Variants in BMPR1B observed in about 807,000 individuals in gnomAD.
The protein encoded by BMPR1B is bone morphogenetic protein receptor type-1B.
BMPR1B carries 12 observed loss-of-function variants against 59.1 expected under a neutral mutation model. The ratio of observed to expected loss-of-function variants is 0.20; its 90% CI spans 0.13 to 0.33. The LOEUF (loss-of-function observed/expected upper bound fraction) is 0.33. BMPR1B is among the 10% of genes least tolerant of loss of function. BMPR1B has a pLI of 1.00. For synonymous variants in BMPR1B, 237 were observed against 207.3 expected, an observed-to-expected ratio of 1.14 and a Z score of -1.23; for missense variants, 550 against 610.9, an observed-to-expected ratio of 0.90 and a Z score of 1.05.
intron 1 of BMPR1B, among the ~76,000 whole-genome samples, chr4:94,851,897 C>A (rs932798677): frequency 1.3e-5 from 2 of 152,056 alleles, no homozygotes; most frequent in African/African-American, 4.8e-5. Flanking sequence ...GTATGAAGAC[C>A]TTGTTTGTCC....
intron 3 of BMPR1B, among the ~76,000 whole-genome samples, chr4:95,102,076 A>G (rs1433782379): frequency 6.6e-6 from 1 of 152,210 alleles, no homozygotes; most frequent in Non-Finnish European, 1.5e-5. Flanking sequence ...ATCCCATTTT[A>G]CAAATATACC....
chr4:94,911,289 C>G (rs138391535), intron 2 of BMPR1B, among the ~76,000 whole-genome samples: 1 of 152,096 alleles, frequency 6.6e-6, no homozygotes, highest in East Asian at 1.9e-4. Context: ...GTGAAAAGGG[C>G]AAGACATAGC....
intron 10 of BMPR1B, among the ~76,000 whole-genome samples, chr4:95,133,960 G>A (rs1733575822): frequency 6.6e-6 from 1 of 151,874 alleles, no homozygotes. Context: ...CGTGTGCCAT[G>A]TTGGTGTGAT....
intron 2 of BMPR1B, among the ~76,000 whole-genome samples, chr4:94,883,415 A>G (rs1727056171): frequency 6.6e-6 from 1 of 152,120 alleles, no homozygotes; most frequent in Non-Finnish European, 1.5e-5. Flanking sequence ...TACTAATCAG[A>G]TACTACTGTG....
intron 2 of BMPR1B, among the ~76,000 whole-genome samples, chr4:94,958,761 C>G (rs929621120): frequency 2.5e-4 from 38 of 152,040 alleles, no homozygotes; most frequent in Admixed American, 6.6e-5. Flanking sequence ...TGAGGATGCT[C>G]TCATGGTGTC....
intron 1 of BMPR1B, among the ~76,000 whole-genome samples, chr4:94,779,961 C>A (rs958410594): frequency 6.6e-6 from 1 of 152,102 alleles, no homozygotes; most frequent in Non-Finnish European, 1.5e-5. Flanking sequence ...AAAGTTCCCC[C>A]CCTTCCCTTA....
At position 94,980,991 on chromosome 4, in the gene BMPR1B, TCACACA is replaced by T. The variant is rs71583675; in HGVS notation, c.-112-15022_-112-15017del. 2.3e-4 allele frequency among the ~76,000 whole-genome samples: 5 copies of T among 21,754 alleles called. No individual in the cohort carries two copies. In the East Asian group the frequency reaches 2.8e-3, roughly 12 times the overall value. 14.3% of individuals were successfully genotyped at this position (21,754 alleles called of 152,430 possible). A position where few individuals can be genotyped will look rare whatever the true frequency, so the allele number is the denominator to read the frequency against. On this transcript the variant is annotated intron_variant, in intron 2 of 12. Transcript: ENST00000515059. Reference sequence around the variant, plus strand: ...GCCTAGGTGGCAGAGCAAGACTCCATCACACACACACACACACACACACACACACAC... The same window carrying T: ...GCCTAGGTGGCAGAGCAAGACTCCATCACACACACACACACACACACACAC...
At chr4:94,862,018 G>A (rs1726000070) in intron 1 of BMPR1B, among the ~76,000 whole-genome samples, 1 of 151,630 alleles carries the variant, frequency 6.6e-6, no homozygotes, top group African/African-American at 2.4e-5. Context: ...AATAATAATA[G>A]TAGCAGCTAA....
At chr4:95,139,969 A>T (rs981143193) in intron 10 of BMPR1B, among the ~76,000 whole-genome samples, 1 of 152,272 alleles carries the variant, frequency 6.6e-6, no homozygotes, top group South Asian at 2.1e-4. Context: ...AGGTGAGCCC[A>T]GTACCTAAGT....
At chr4:95,106,865 G>A (rs115055631) in intron 4 of BMPR1B, among the ~76,000 whole-genome samples, 2,241 of 151,844 alleles carry the variant, frequency 0.015, 43 homozygotes, top group African/African-American at 0.047. Context: ...GCACTCTGCT[G>A]GGATTAGGTG....
rs140970485 is a variant in BMPR1B, at chr4:95,115,686, A to C, written c.248A>C (p.Asp83Ala). The C allele has an allele frequency of 2.5e-6, 4 of 1,612,706 alleles. No homozygotes were observed. Among genetic ancestry groups the C allele is most frequent in the Non-Finnish European group, 3.4e-6 (4 of 1,178,956 alleles). Reference protein sequence around the residue: ...GLEGSDFQCRDTPIPHQRRSI... With the variant: ...GLEGSDFQCRATPIPHQRRSI... ...ATAGCTGTTTGGGTTCGATTATAGGACACTCCCATTCCTCATCAAAGAAGA... is the reference window on the plus strand; with the variant it reads ...ATAGCTGTTTGGGTTCGATTATAGGCCACTCCCATTCCTCATCAAAGAAGA... The change falls in exon 6 of 13, where the codon GAC becomes GCC. Residue 83 changes from aspartate to alanine, a missense_variant and splice_region_variant. Physicochemically the swap from Asp to Ala is moderately radical, Grantham distance 126. This residue lies in a region of BMPR1B where 24 missense variants were observed against 20.3 expected (regional missense o/e 1.18). Transcript: ENST00000515059.
chr4:95,126,188 G>A (rs1732891365), intron 8 of BMPR1B, among the ~76,000 whole-genome samples: 5 of 152,100 alleles, frequency 3.3e-5, no homozygotes, highest in Admixed American at 3.3e-4. Flanking sequence ...TAATGTTCTT[G>A]TGTCTTTTGG....
chr4:95,122,030 T>C (rs1418063585), intron 6 of BMPR1B, among the ~76,000 whole-genome samples: 1 of 152,200 alleles, frequency 6.6e-6, no homozygotes, highest in East Asian at 1.9e-4. Context: ...ATTTTATGTA[T>C]AATACAGTTT....
At chr4:95,014,616 A>T (rs1454246733) in intron 3 of BMPR1B, among the ~76,000 whole-genome samples, 1 of 152,244 alleles carries the variant, frequency 6.6e-6, no homozygotes, top group Non-Finnish European at 1.5e-5. Context: ...ATGTAGGGTA[A>T]GATGATGCAG....
chr4:94,847,063 A>C (rs776571815), intron 1 of BMPR1B, among the ~76,000 whole-genome samples: 2 of 152,220 alleles, frequency 1.3e-5, no homozygotes, highest in Non-Finnish European at 2.9e-5. Context: ...CAAGGAATAA[A>C]TAACCAGAAA....
intron 1 of BMPR1B, among the ~76,000 whole-genome samples, chr4:94,850,746 A>G (rs1725537793): frequency 6.6e-6 from 1 of 152,172 alleles, no homozygotes; most frequent in Non-Finnish European, 1.5e-5. Context: ...CCTGTGGTCT[A>G]GCCTCCTATG....
intron 6 of BMPR1B, among the ~76,000 whole-genome samples, chr4:95,123,003 T>C (rs1321087944): frequency 1.3e-5 from 2 of 152,170 alleles, no homozygotes; most frequent in African/African-American, 4.8e-5. Context: ...AAATCACCCG[T>C]GTAAAATTTA....
chr4:94,938,493 T>TA (rs896657009), intron 2 of BMPR1B, among the ~76,000 whole-genome samples: 29 of 144,918 alleles, frequency 2.0e-4, no homozygotes, highest in South Asian at 6.6e-4. Flanking sequence ...AGACTGTGTC[T>TA]AAAAAAAAAA....
intron 1 of BMPR1B, among the ~76,000 whole-genome samples, chr4:94,835,286 T>C (rs12512864): frequency 0.12 from 18,401 of 152,192 alleles, 1,171 homozygotes; most frequent in Non-Finnish European, 0.13. Flanking sequence ...CCTCCTGTCT[T>C]AGCCTTCCGA....
Sources: allele counts gnomAD v4.1 joint callset (sites outside exome capture counted in the v4.1 genomes callset), GRCh38; gene constraint gnomAD v4.1.1; regional missense constraint gnomAD v4.1.1; transcripts MANE v1.5; gene names NCBI Gene and HGNC (gene_info 2026-07-23, HGNC 2026-07-21).